FOXP2: variants seen among roughly 807,000 people sequenced by gnomAD.
The protein encoded by FOXP2 is forkhead box P2, also known as forkhead box protein P2.
FOXP2 carries 12 observed loss-of-function variants against 115.8 expected under a neutral mutation model. The observed-to-expected ratio is 0.10, with a 90% CI of 0.07 to 0.17. The LOEUF is 0.17. Among genes scored for constraint, FOXP2 ranks in the 10% least tolerant of loss-of-function variants. The probability of loss-of-function intolerance (pLI) is 1.00; values close to 1 mark genes in which losing one functional copy is unlikely to be tolerated. For synonymous variants in FOXP2, 328 were observed against 297.7 expected, an observed-to-expected ratio of 1.10 and a Z score of -1.05; for missense variants, 629 against 843.5, an observed-to-expected ratio of 0.75 and a Z score of 3.15.
intron 7 of FOXP2, among the ~76,000 whole-genome samples, chr7:114,643,362 CA>C (rs1471648241): frequency 3.3e-5 from 5 of 151,964 alleles, no homozygotes; most frequent in Non-Finnish European, 7.4e-5. Flanking sequence ...AATTAGAAAT[CA>C]GAGAACAGAT....
At chr7:114,298,868 A>C (rs1011482145) in intron 2 of FOXP2, among the ~76,000 whole-genome samples, 1 of 152,160 alleles carries the variant, frequency 6.6e-6, no homozygotes, top group Non-Finnish European at 1.5e-5. Flanking sequence ...TGAATTATGG[A>C]ATGTATTTTA....
intron 2 of FOXP2, among the ~76,000 whole-genome samples, chr7:114,295,929 C>G (rs1030238860): frequency 6.6e-6 from 1 of 151,994 alleles, no homozygotes; most frequent in African/African-American, 2.4e-5. Flanking sequence ...ACTTGTGTCT[C>G]GGAGTTGCTA....
At chr7:114,086,994 T>G (rs538492841), upstream of FOXP2, among the ~76,000 whole-genome samples, 13 of 152,316 alleles carry the variant, frequency 8.5e-5, no homozygotes, top group African/African-American at 2.9e-4. Context: ...AAACACCAGA[T>G]GTGTGTTTGT....
Position 114,644,804 on chromosome 7 carries a change from T to G in FOXP2, c.1094+15T>G. The G allele has an allele frequency of 1.9e-6, 3 of 1,606,620 alleles. No individual in the cohort carries two copies. Among genetic ancestry groups the G allele is most frequent in the Non-Finnish European group, 2.6e-6 (3 of 1,173,998 alleles). ...CAGTTTTTAAAGTAGGTTTTTTACT[T>G]TTTTTTGGTGGGGGGCGGGGGCTGG... On this transcript the variant is annotated intron_variant, in intron 8 of 16. Coordinates refer to ENST00000350908, the MANE Select transcript of FOXP2 (RefSeq NM_014491.4).
chr7:114,230,150 C>A (rs182420229), intron 1 of FOXP2, among the ~76,000 whole-genome samples: 94 of 151,794 alleles, frequency 6.2e-4, no homozygotes, highest in Admixed American at 1.3e-3. Context: ...ATTTCTGGAA[C>A]CATACAGTGT....
chr7:114,647,328 G>A (rs1044685338), intron 8 of FOXP2, among the ~76,000 whole-genome samples: 6 of 151,022 alleles, frequency 4.0e-5, no homozygotes, highest in African/African-American at 9.7e-5. Context: ...GCCATTATAG[G>A]ACAGTTGCTT....
intron 2 of FOXP2, among the ~76,000 whole-genome samples, chr7:114,377,778 C>A (rs896911508): frequency 2.0e-5 from 3 of 152,142 alleles, no homozygotes; most frequent in Non-Finnish European, 4.4e-5. Flanking sequence ...TTTTAAGAAA[C>A]AAAAATTAGT....
intron 1 of FOXP2, among the ~76,000 whole-genome samples, chr7:114,142,684 A>G (rs1258087992): frequency 6.6e-6 from 1 of 152,188 alleles, no homozygotes; most frequent in Non-Finnish European, 1.5e-5. Flanking sequence ...ATTTTCTGGC[A>G]TATGGTCAGT....
chr7:114,366,472 T>C (rs1277199433), intron 2 of FOXP2: 1 of 152,186 alleles, frequency 6.6e-6, no homozygotes, highest in African/African-American at 2.4e-5. Flanking sequence ...TTTTCCTTTT[T>C]TGTTTTGTTT....
chr7:114,616,383 G>A (rs532240929), intron 3 of FOXP2, among the ~76,000 whole-genome samples: 3 of 152,192 alleles, frequency 2.0e-5, no homozygotes, highest in South Asian at 2.1e-4. Context: ...AGCTGGTCTC[G>A]AACTCCTGAC....
At chr7:114,531,616 T>C (rs949423142) in intron 2 of FOXP2, among the ~76,000 whole-genome samples, 5 of 151,962 alleles carry the variant, frequency 3.3e-5, no homozygotes, top group Non-Finnish European at 7.4e-5. Flanking sequence ...CCACCTCTTA[T>C]GTTTACTATA....
chr7:114,154,638 C>T (rs1792613928), intron 1 of FOXP2, among the ~76,000 whole-genome samples: 1 of 151,982 alleles, frequency 6.6e-6, no homozygotes, highest in South Asian at 2.1e-4. Flanking sequence ...ACAACTTATA[C>T]AAAGAATATT....
At chr7:114,266,766 T>C (rs1432352070) in intron 1 of FOXP2, among the ~76,000 whole-genome samples, 2 of 152,190 alleles carry the variant, frequency 1.3e-5, no homozygotes, top group East Asian at 3.9e-4. Context: ...TTGAGCTTTG[T>C]TATTTCCACT....
chr7:114,423,616 A>G (rs1793711497), intron 1 of FOXP2, among the ~76,000 whole-genome samples: 1 of 151,570 alleles, frequency 6.6e-6, no homozygotes, highest in South Asian at 2.1e-4. Flanking sequence ...TTGTGGTGGG[A>G]TTGATAAGAA....
chr7:114,382,980 G>C (rs1792345740), intron 2 of FOXP2, among the ~76,000 whole-genome samples: 1 of 152,154 alleles, frequency 6.6e-6, no homozygotes, highest in African/African-American at 2.4e-5. Context: ...TTCTGATTCT[G>C]TGTCCTAATG....
At chr7:114,307,097 C>T (rs1463562681) in intron 2 of FOXP2, among the ~76,000 whole-genome samples, 5 of 152,112 alleles carry the variant, frequency 3.3e-5, no homozygotes, top group African/African-American at 9.7e-5. Flanking sequence ...CTTTGGGAAG[C>T]CATTATTCTG....
chr7:114,297,489 T>C, intron 2 of FOXP2: 2 of 326,838 alleles, frequency 6.1e-6, no homozygotes, highest in South Asian at 8.1e-5. Flanking sequence ...TGCCTCTAAG[T>C]GCCCAATAGT....
At chr7:114,298,826 G>A (rs1487298355) in intron 2 of FOXP2, among the ~76,000 whole-genome samples, 1 of 152,052 alleles carries the variant, frequency 6.6e-6, no homozygotes, top group African/African-American at 2.4e-5. Context: ...TTAAATTTTT[G>A]GAAGCCAACA....
Position 114,646,700 on chromosome 7 carries a change from A to T in FOXP2, c.1094+1911A>T, listed in dbSNP as rs80234163. 7.6e-3 allele frequency among the ~76,000 whole-genome samples: 1,159 copies of T among 152,120 alleles called. 13 individuals are homozygous for T. Among genetic ancestry groups the T allele is most frequent in the African/African-American group, 0.026 (1,091 of 41,544 alleles). On this transcript the variant is annotated intron_variant, in intron 8 of 16. Coordinates refer to ENST00000350908, the MANE Select transcript of FOXP2 (RefSeq NM_014491.4). ...TAAATTCTGTTAACAGAGCTAATGT[A>T]AGTATACTGACCGAAGTGAAATATC...
Sources: gnomAD v4.1 joint callset for allele counts (sites outside exome capture counted in the v4.1 genomes callset) on GRCh38, gnomAD v4.1.1 for gene constraint, MANE v1.5 for transcripts, NCBI Gene and HGNC (gene_info 2026-07-23, HGNC 2026-07-21) for gene names.